The following UST variants were observed in gnomAD, a reference collection of about 807,000 sequenced individuals.
UST encodes chondroitin sulfate 2-O-sulfotransferase.
A neutral mutation model predicts 45.6 loss-of-function variants in UST; 21 were observed. The ratio of observed to expected loss-of-function variants is 0.46; its 90% CI spans 0.33 to 0.66. The LOEUF (loss-of-function observed/expected upper bound fraction) is 0.66, where lower values mean the gene tolerates loss of function less well. UST is among the 30% of genes least tolerant of loss of function. The pLI is 0.02. For synonymous variants in UST, 215 were observed against 200.6 expected (o/e 1.07, Z -0.61); for missense variants, 463 against 512.4 (o/e 0.90, Z 0.93).
At chr6:148,906,363 T>G (rs1562295846) in intron 2 of UST, among the ~76,000 whole-genome samples, 2 of 152,252 alleles carry the variant, frequency 1.3e-5, no homozygotes, top group African/African-American at 4.8e-5. Context: ...TCAGGTTCTT[T>G]GATTTAGAAT....
intron 1 of UST, among the ~76,000 whole-genome samples, chr6:148,758,275 A>G (rs532959878): frequency 1.3e-5 from 2 of 152,250 alleles, no homozygotes; most frequent in South Asian, 2.1e-4. Flanking sequence ...CATCCATCCC[A>G]CTAATTACAT....
rs533122908 is a variant in UST, at chr6:148,749,068, T to G, written c.247+1391T>G. Among the ~76,000 whole-genome samples the G allele has an allele frequency of 8.5e-5, 13 of 152,354 alleles. No individual in the cohort carries two copies. The South Asian group carries it at 2.7e-3, about 32-fold the overall frequency. On this transcript the variant is annotated intron_variant, in intron 1 of 7. Coordinates refer to ENST00000367463, the MANE Select transcript of UST (RefSeq NM_005715.3). ...TCTTTACCTTGTACAAGACCTCATA[T>G]TTTAAAAGTTACACTTTTATTTCTT...
intron 1 of UST, among the ~76,000 whole-genome samples, chr6:148,787,044 G>C (rs1346387795): frequency 6.6e-6 from 1 of 151,944 alleles, no homozygotes; most frequent in East Asian, 1.9e-4. Context: ...TCCTTTGCCT[G>C]CTTTTAATGG....
At chr6:148,897,829 G>A (rs1444738790) in intron 2 of UST, among the ~76,000 whole-genome samples, 2 of 152,184 alleles carry the variant, frequency 1.3e-5, no homozygotes, top group Non-Finnish European at 2.9e-5. Context: ...CCAATTGGCA[G>A]ACCAGATACG....
intron 1 of UST, among the ~76,000 whole-genome samples, chr6:148,814,448 A>G (rs908734224): frequency 2.0e-5 from 3 of 151,924 alleles, no homozygotes; most frequent in Admixed American, 6.6e-5. Context: ...CTGCATGGAG[A>G]GATGAAGCAA....
At chr6:148,801,188 G>A (rs963840308) in intron 1 of UST, among the ~76,000 whole-genome samples, 1 of 152,102 alleles carries the variant, frequency 6.6e-6, no homozygotes, top group Non-Finnish European at 1.5e-5. Context: ...GTCTATTGAT[G>A]CATTCCTGGG....
chr6:148,750,935 G>A (rs1361300141), intron 1 of UST, among the ~76,000 whole-genome samples: 1 of 152,166 alleles, frequency 6.6e-6, no homozygotes. Context: ...GGTTCCCAAT[G>A]TGGGTCCTTG....
chr6:148,777,137 T>C (rs975810539), intron 1 of UST, among the ~76,000 whole-genome samples: 4 of 152,194 alleles, frequency 2.6e-5, no homozygotes, highest in African/African-American at 9.6e-5. Context: ...GAGCCGTTTT[T>C]TCCTGGTGTG....
chr6:148,756,048 T>A (rs958066759), intron 1 of UST, among the ~76,000 whole-genome samples: 3 of 128,418 alleles, frequency 2.3e-5, no homozygotes, highest in Non-Finnish European at 4.7e-5. Context: ...GATGTTCCCC[T>A]TCCTGTGTCC....
At chr6:148,826,095 G>A (rs545218427) in intron 1 of UST, among the ~76,000 whole-genome samples, 2 of 152,226 alleles carry the variant, frequency 1.3e-5, no homozygotes, top group Non-Finnish European at 2.9e-5. Flanking sequence ...AGATAAATGA[G>A]TTCTGTCTAA....
chr6:148,854,830 T>C (rs1381108788), intron 1 of UST, among the ~76,000 whole-genome samples: 9 of 152,200 alleles, frequency 5.9e-5, no homozygotes. Context: ...TATTTTTGCA[T>C]TGTAGTGGAT....
At chr6:148,883,525 C>T (rs1380591214) in intron 1 of UST, among the ~76,000 whole-genome samples, 1 of 152,176 alleles carries the variant, frequency 6.6e-6, no homozygotes, top group East Asian at 1.9e-4. Flanking sequence ...ATAGAAATGA[C>T]AGTAACAACA....
intron 1 of UST, among the ~76,000 whole-genome samples, chr6:148,874,692 G>A (rs1215806708): frequency 6.6e-6 from 1 of 152,164 alleles, no homozygotes; most frequent in Non-Finnish European, 1.5e-5. Flanking sequence ...CTTAAATAAA[G>A]CTGTGCCAGC....
At chr6:148,835,674 C>T (rs530807547) in intron 1 of UST, among the ~76,000 whole-genome samples, 7 of 152,244 alleles carry the variant, frequency 4.6e-5, no homozygotes, top group South Asian at 2.1e-4. Flanking sequence ...CCTGGCACTC[C>T]GGGAATACTG....
chr6:148,871,117 C>CCTCTCTCTCTATCTCTCT (rs1778544535), intron 1 of UST, among the ~76,000 whole-genome samples: 1 of 97,586 alleles, frequency 1.0e-5, no homozygotes, highest in Admixed American at 1.3e-4. Flanking sequence ...GCATTCTCTC[C>CCTCTCTCTCTATCTCTCT]CTCTCTCTCT....
At chr6:148,975,590 C>G (rs1781000297) in intron 5 of UST, among the ~76,000 whole-genome samples, 1 of 152,030 alleles carries the variant, frequency 6.6e-6, no homozygotes, top group Admixed American at 6.6e-5. Context: ...TAGCTATCAT[C>G]ATTATAATAA....
At position 148,964,337 on chromosome 6, in the gene UST, G is replaced by A. The variant is rs191573876; in HGVS notation, c.528-73G>A. 353 of 1,561,628 alleles carry A rather than the reference G, an allele frequency of 2.3e-4. 1 individual carries two copies. In the African/African-American group the frequency reaches 4.4e-3, roughly 19 times the overall value. Reference sequence around the variant, plus strand: ...TCAATAAGTTAACCTAGAGGGAAGGGGAGATGTTGTCTAAGTAGGCCCTGT... The same window carrying A: ...TCAATAAGTTAACCTAGAGGGAAGGAGAGATGTTGTCTAAGTAGGCCCTGT... On this transcript the variant is annotated intron_variant, in intron 4 of 7. Coordinates refer to ENST00000367463, the MANE Select transcript of UST (RefSeq NM_005715.3).
intron 5 of UST, among the ~76,000 whole-genome samples, chr6:148,992,816 A>G (rs965842436): frequency 3.3e-5 from 5 of 152,264 alleles, no homozygotes; most frequent in African/African-American, 1.2e-4. Flanking sequence ...GCTCAAGGAA[A>G]GAAATAACCA....
chr6:149,073,093 G>T (rs1401825253), intron 7 of UST, among the ~76,000 whole-genome samples: 1 of 152,020 alleles, frequency 6.6e-6, no homozygotes, highest in Non-Finnish European at 1.5e-5. Context: ...ATAAAATTAA[G>T]CATATTTTAG....
Sources: gnomAD v4.1 joint callset for allele counts (sites outside exome capture counted in the v4.1 genomes callset) on GRCh38, gnomAD v4.1.1 for gene constraint, MANE v1.5 for transcripts, NCBI Gene and HGNC (gene_info 2026-07-23, HGNC 2026-07-21) for gene names.